Variants in BRD7 observed in about 807,000 individuals in gnomAD.
The protein encoded by BRD7 is bromodomain-containing protein 7.
Under a neutral mutation model 82.1 loss-of-function variants are expected in BRD7, and 15 were observed. The observed-to-expected ratio is 0.18, with a 90% CI of 0.12 to 0.28. The LOEUF is 0.28. BRD7 is among the 10% of genes least tolerant of loss of function. The probability of loss-of-function intolerance (pLI) is 1.00; values close to 1 mark genes in which losing one functional copy is unlikely to be tolerated. For synonymous variants in BRD7, 232 were observed against 266.9 expected (o/e 0.87, Z 1.27); for missense variants, 638 against 779.9 (o/e 0.82, Z 2.17).
chr16:50,365,270 C>G (rs527325537), intron 2 of BRD7, among the ~76,000 whole-genome samples: 1 of 152,324 alleles, frequency 6.6e-6, no homozygotes, highest in East Asian at 1.9e-4. Context: ...CAAAATCCAT[C>G]TCCTAGGAGA....
At chr16:50,327,379 G>A (rs2037385215) in intron 9 of BRD7, among the ~76,000 whole-genome samples, 1 of 152,198 alleles carries the variant, frequency 6.6e-6, no homozygotes, top group African/African-American at 2.4e-5. Context: ...TCAGTTAGCT[G>A]CATCTCCTAA....
chr16:50,364,652 TG>T (rs1313736444), intron 2 of BRD7, among the ~76,000 whole-genome samples: 2 of 152,190 alleles, frequency 1.3e-5, no homozygotes, highest in African/African-American at 2.4e-5. Flanking sequence ...ATAGAGTGGC[TG>T]GAACACAGGG....
chr16:50,361,351 A>G (rs1466516043), intron 2 of BRD7, among the ~76,000 whole-genome samples: 1 of 152,188 alleles, frequency 6.6e-6, no homozygotes, highest in Non-Finnish European at 1.5e-5. Flanking sequence ...TGAGTAAAAA[A>G]ATTTTTTTAA....
chr16:50,359,690 C>A (rs1042256228), intron 2 of BRD7, among the ~76,000 whole-genome samples: 1 of 151,952 alleles, frequency 6.6e-6, no homozygotes, highest in African/African-American at 2.4e-5. Flanking sequence ...TTGTTCCTTC[C>A]CCATTCCCAC....
At chr16:50,351,573 A>G (rs1257010397) in intron 4 of BRD7, among the ~76,000 whole-genome samples, 1 of 152,208 alleles carries the variant, frequency 6.6e-6, no homozygotes, top group Non-Finnish European at 1.5e-5. Flanking sequence ...TTGATCAACT[A>G]GATTTTTTAT....
chr16:50,335,500 T>C (rs2037759858), intron 6 of BRD7, among the ~76,000 whole-genome samples: 1 of 152,226 alleles, frequency 6.6e-6, no homozygotes, highest in Non-Finnish European at 1.5e-5. Flanking sequence ...TTCGCTGCAA[T>C]GATGTGCTGT....
chr16:50,322,007 G>A lies in BRD7; in HGVS notation c.1475C>T (p.Thr492Ile). The A allele has an allele frequency of 6.2e-7, 1 of 1,611,152 alleles. No homozygotes were observed. The highest frequency in any genetic ancestry group is 8.5e-7 in the Non-Finnish European group (1 of 1,179,354). The change falls in exon 13 of 17, where the codon ACA becomes ATA. Residue 492 changes from threonine (T) to isoleucine (I), a missense_variant. By Grantham distance (89) the Thr-to-Ile change is moderately conservative (BLOSUM62 -1). Transcript: ENST00000394688. ...SLPEDEGHTR[T>I]LDTAKEMEIT... ...CTCCATTTCTTTTGCTGTGTCAAGT[G>A]TCCTAGTATGGCCTTCATCTTCAGG...
intron 13 of BRD7, 77 bp from the exon 14 acceptor site, chr16:50,320,851 G>C (rs2037071077): frequency 1.0e-6 from 1 of 984,774 alleles, no homozygotes; most frequent in Non-Finnish European, 1.6e-6. Context: ...TACTCAGATG[G>C]CATGTATTTA....
chr16:50,322,303 ACTTATAAAT>A (rs2037154065), intron 12 of BRD7, among the ~76,000 whole-genome samples: 1 of 152,242 alleles, frequency 6.6e-6, no homozygotes, highest in Non-Finnish European at 1.5e-5. Flanking sequence ...TTGGTAAATA[ACTTATAAAT>A]ATGTAAATAA....
At chr16:50,335,949 A>C (rs2037779670) in intron 6 of BRD7, among the ~76,000 whole-genome samples, 1 of 152,236 alleles carries the variant, frequency 6.6e-6, no homozygotes, top group Non-Finnish European at 1.5e-5. Flanking sequence ...AAATAAAAAT[A>C]TGGGTAGAGG....
At chr16:50,341,177 T>TACACACACACACACAC (rs57755008) in intron 5 of BRD7, among the ~76,000 whole-genome samples, 16 of 137,304 alleles carry the variant, frequency 1.2e-4, no homozygotes, top group South Asian at 5.0e-4. Flanking sequence ...AGACCTTAAG[T>TACACACACACACACAC]ACACACACAC....
chr16:50,333,952 CA>C (rs34277741), intron 7 of BRD7, among the ~76,000 whole-genome samples: 1 of 152,090 alleles, frequency 6.6e-6, no homozygotes, highest in Non-Finnish European at 1.5e-5. Flanking sequence ...TGGGAACTTA[CA>C]AAAAAATTAG....
chr16:50,319,881 A>T lies in BRD7; in HGVS notation c.1900+6T>A, dbSNP rs772454259. 3.1e-6 allele frequency: 5 copies of T among 1,611,134 alleles called. No homozygotes were observed. The South Asian group carries it at 5.5e-5, about 18-fold the overall frequency. ...TCTGCTTTCCCAGAGAAAACAGGGC[A>T]CGTACCTTCTGTCAAATCCACAAAG... On this transcript the variant is annotated splice_donor_region_variant and intron_variant, in intron 16 of 16. Transcript: ENST00000394688.
intron 6 of BRD7, among the ~76,000 whole-genome samples, chr16:50,338,205 G>A (rs892800121): frequency 6.6e-6 from 1 of 152,158 alleles, no homozygotes; most frequent in East Asian, 1.9e-4. Context: ...TAGATTCTGA[G>A]AGTCTTCCTG....
Position 50,325,833 on chromosome 16 carries a change from A to G in BRD7, c.1246T>C (p.Ser416Pro). 4 of 1,612,576 alleles carry G rather than the reference A, an allele frequency of 2.5e-6. No individual in the cohort carries two copies. Among genetic ancestry groups the G allele is most frequent in the Non-Finnish European group, 3.4e-6 (4 of 1,179,538 alleles). The part of the protein sequence containing the change: ...PYSSYAPHYD[S>P]TFANISKDDS... ...TCCTTGCTGATATTTGCAAATGTGG[A>G]GTCATAATGCGGTGCATAAGAACTG... Residue 416 changes from serine (S) to proline (P), a missense_variant, in exon 11 of 17, where the codon TCC becomes CCC. Ser to Pro is a moderately conservative substitution (Grantham distance 74, BLOSUM62 -1). Around this residue, in one of 3 missense-constraint regions of BRD7, gnomAD observed 402 missense variants for 500.8 expected, o/e 0.80. Transcript: ENST00000394688.
Position 50,354,868 on chromosome 16 carries a change from G to A in BRD7, c.313C>T (p.Leu105Phe). ...AATCTCACAGGGGCGTGACACTGGAGATCTTTTTCTGCCTCATTCTCCACC... is the reference window on the plus strand; with the variant it reads ...AATCTCACAGGGGCGTGACACTGGAAATCTTTTTCTGCCTCATTCTCCACC... Reference protein sequence around the residue: ...DRVENEAEKDLQCHAPVRLDL... With the variant: ...DRVENEAEKDFQCHAPVRLDL... Residue 105 changes from leucine (L) to phenylalanine (F), a missense_variant, in exon 3 of 17, where the codon CTC becomes TTC. Leu to Phe is a conservative substitution (Grantham distance 22). This residue lies in a region of BRD7 where 172 missense variants were observed against 155.3 expected (regional missense o/e 1.11). Transcript: ENST00000394688. The A allele has an allele frequency of 6.2e-7, 1 of 1,613,564 alleles. No homozygotes were observed. Among genetic ancestry groups the A allele is most frequent in the African/African-American group, 1.3e-5 (1 of 75,042 alleles).
intron 2 of BRD7, among the ~76,000 whole-genome samples, chr16:50,363,660 T>TGTGTGTGTGTGTGTGTGC (rs138025982): frequency 2.7e-4 from 28 of 102,402 alleles, no homozygotes; most frequent in Non-Finnish European, 6.1e-4. Flanking sequence ...TGTGTGTGTG[T>TGTGTGTGTGTGTGTGTGC]GCGCGCGCGC....
intron 8 of BRD7, 48 bp from the exon 9 acceptor site, chr16:50,328,792 C>T: frequency 6.5e-7 from 1 of 1,542,864 alleles, no homozygotes; most frequent in South Asian, 1.1e-5. Context: ...TTTATACAAA[C>T]AGGCTGAGTA....
chr16:50,353,524 A>C (rs2038617153), intron 4 of BRD7, among the ~76,000 whole-genome samples: 1 of 152,184 alleles, frequency 6.6e-6, no homozygotes, highest in African/African-American at 2.4e-5. Context: ...TTTGCAAATA[A>C]TGGAAATATC....
Sources: allele counts gnomAD v4.1 joint callset (sites outside exome capture counted in the v4.1 genomes callset), GRCh38; gene constraint gnomAD v4.1.1; regional missense constraint gnomAD v4.1.1; transcripts MANE v1.5; gene names NCBI Gene and HGNC (gene_info 2026-07-23, HGNC 2026-07-21).